Variants in IL17RD observed in about 807,000 individuals in gnomAD.
IL17RD encodes the protein interleukin 17 receptor D, also known as interleukin-17 receptor D.
IL17RD carries 52 observed loss-of-function variants against 80.5 expected under a neutral mutation model. The observed-to-expected ratio is 0.65, with a 90% CI of 0.52 to 0.81. IL17RD has a LOEUF of 0.81. IL17RD is among the 40% of genes least tolerant of loss of function. The probability of loss-of-function intolerance (pLI) is 0.00; values close to 1 mark genes in which losing one functional copy is unlikely to be tolerated. For missense variants in IL17RD, 1,024 were observed against 955.1 expected (o/e 1.07, Z -0.95); for synonymous variants, 416 against 391.8 (o/e 1.06, Z -0.73).
At chr3:57,123,575 T>C (rs568087904) in intron 1 of IL17RD, among the ~76,000 whole-genome samples, 90 of 152,324 alleles carry the variant, frequency 5.9e-4, no homozygotes, top group African/African-American at 2.0e-3. Flanking sequence ...GAGGGGAACA[T>C]GGTAATTCAT....
chr3:57,135,057 A>G (rs980456112), intron 1 of IL17RD, among the ~76,000 whole-genome samples: 1 of 152,158 alleles, frequency 6.6e-6, no homozygotes, highest in South Asian at 2.1e-4. Flanking sequence ...GCAGTGAGCC[A>G]TGATCACTCC....
chr3:57,112,271 A>G (rs1274746868), intron 3 of IL17RD, among the ~76,000 whole-genome samples: 1 of 152,202 alleles, frequency 6.6e-6, no homozygotes, highest in African/African-American at 2.4e-5. Context: ...TATTATCCCC[A>G]TTTTACAGAT....
chr3:57,124,369 G>A (rs927127406), intron 1 of IL17RD, among the ~76,000 whole-genome samples: 5 of 152,206 alleles, frequency 3.3e-5, no homozygotes, highest in African/African-American at 1.2e-4. Context: ...AGTATCCTGA[G>A]ATGGGGAGAG....
At position 57,094,025 on chromosome 3, in the gene IL17RD, C is replaced by T. The variant is rs1445437311; in HGVS notation, c.*2368G>A. The T allele has an allele frequency of 6.6e-6, 1 of 152,224 alleles. No individual in the cohort carries two copies. The highest frequency in any genetic ancestry group is 1.9e-4 in the East Asian group (1 of 5,192). 9.4% of individuals were successfully genotyped at this position (152,224 alleles called of 1,614,324 possible). On this transcript the variant is annotated 3_prime_UTR_variant, in exon 13 of 13. Transcript: ENST00000296318. ...GATCAAGGCCTCTCATGGAGATCAT[C>T]CTGTTTTCCATTTCTTGTTTCCATA...
chr3:57,127,797 G>A (rs1240990207), intron 1 of IL17RD, among the ~76,000 whole-genome samples: 6 of 152,222 alleles, frequency 3.9e-5, no homozygotes, highest in African/African-American at 9.6e-5. Context: ...CGTACAACGG[G>A]ACTAACATCT....
chr3:57,117,113 A>ATTTT (rs11422909), intron 2 of IL17RD, among the ~76,000 whole-genome samples: 1 of 136,136 alleles, frequency 7.3e-6, no homozygotes, highest in Non-Finnish European at 1.5e-5. Context: ...AAGTTTAAGA[A>ATTTT]TTTTTTTTTT....
At chr3:57,158,600 C>T (rs1376563409) in intron 1 of IL17RD, among the ~76,000 whole-genome samples, 2 of 152,114 alleles carry the variant, frequency 1.3e-5, no homozygotes, top group Non-Finnish European at 2.9e-5. Context: ...ATCCACCTTC[C>T]CCCAACATTT....
In IL17RD at chr3:57,095,878, A is replaced by T. The variant is rs374915177; in HGVS notation, c.*515T>A. The stretch of plus-strand genomic sequence containing the variant: ...CAAAGCTTATTTAACACCCATGGCA[A>T]TGTAAATTCTACATCAAAAATAAAT... On this transcript the variant is annotated 3_prime_UTR_variant, in exon 13 of 13. Coordinates refer to ENST00000296318, the MANE Select transcript of IL17RD (RefSeq NM_017563.5). The T allele has an allele frequency of 3.0e-4, 47 of 154,628 alleles. 1 individual carries two copies. The South Asian group carries it at 9.1e-3, about 30-fold the overall frequency. 9.6% of individuals were successfully genotyped at this position (154,628 alleles called of 1,614,324 possible). A position where few individuals can be genotyped will look rare whatever the true frequency, so the allele number is the denominator to read the frequency against.
chr3:57,130,114 AG>A (rs1252809597), intron 1 of IL17RD, among the ~76,000 whole-genome samples: 1 of 152,200 alleles, frequency 6.6e-6, no homozygotes. Flanking sequence ...TAAGAGGAAA[AG>A]TTTACTAGAA....
At chr3:57,096,558 G>T in intron 12 of IL17RD, 53 bp from the exon 13 acceptor site, 2 of 1,246,434 alleles carry the variant, frequency 1.6e-6, no homozygotes, top group Non-Finnish European at 2.4e-6. Context: ...TCACTGGGCT[G>T]GGCAGGTGCT....
intron 1 of IL17RD, among the ~76,000 whole-genome samples, chr3:57,151,905 A>G (rs1298243304): frequency 6.6e-6 from 1 of 152,092 alleles, no homozygotes; most frequent in East Asian, 1.9e-4. Flanking sequence ...AATTCCCCCA[A>G]TCAAAAACCA....
intron 1 of IL17RD, among the ~76,000 whole-genome samples, chr3:57,133,972 A>AC (rs1352555111): frequency 1.3e-5 from 2 of 152,240 alleles, no homozygotes; most frequent in Non-Finnish European, 2.9e-5. Flanking sequence ...TAAATTAGAA[A>AC]CCTGTAACAT....
At chr3:57,108,661 G>T (rs576532937) in intron 5 of IL17RD, among the ~76,000 whole-genome samples, 1 of 151,560 alleles carries the variant, frequency 6.6e-6, no homozygotes. Flanking sequence ...GACTACAGGC[G>T]CACACCATGA....
chr3:57,152,718 A>G (rs1238228527), intron 1 of IL17RD, among the ~76,000 whole-genome samples: 2 of 152,228 alleles, frequency 1.3e-5, no homozygotes, highest in East Asian at 3.8e-4. Context: ...AATTAGGTAG[A>G]AGATAATAAT....
chr3:57,169,836 C>G (rs1175788623), upstream of IL17RD, among the ~76,000 whole-genome samples: 1 of 82,974 alleles, frequency 1.2e-5, no homozygotes, highest in Admixed American at 1.2e-4. Context: ...GCCCTTAGTC[C>G]CTGAGACCCC....
At chr3:57,150,872 G>C (rs1269551653) in intron 1 of IL17RD, among the ~76,000 whole-genome samples, 1 of 152,156 alleles carries the variant, frequency 6.6e-6, no homozygotes, top group Non-Finnish European at 1.5e-5. Context: ...CAATTACGAA[G>C]GGGGCCAAAA....
chr3:57,161,275 G>A (rs1366938091), intron 1 of IL17RD, among the ~76,000 whole-genome samples: 1 of 152,240 alleles, frequency 6.6e-6, no homozygotes, highest in African/African-American at 2.4e-5. Context: ...GTGGGCTTAG[G>A]AGCCATGAGC....
intron 11 of IL17RD, among the ~76,000 whole-genome samples, chr3:57,098,952 G>A (rs1161878929): frequency 6.6e-6 from 1 of 152,192 alleles, no homozygotes; most frequent in Admixed American, 6.5e-5. Flanking sequence ...TAGATTGGAG[G>A]GGCAGATTCT....
intron 3 of IL17RD, among the ~76,000 whole-genome samples, chr3:57,111,496 T>C (rs1019993560): frequency 6.6e-6 from 1 of 152,158 alleles, no homozygotes; most frequent in African/African-American, 2.4e-5. Context: ...ACAAAGTCAT[T>C]AGACCAACAA....
Sources: allele counts gnomAD v4.1 joint callset (sites outside exome capture counted in the v4.1 genomes callset), GRCh38; gene constraint gnomAD v4.1.1; transcripts MANE v1.5; gene names NCBI Gene and HGNC (gene_info 2026-07-23, HGNC 2026-07-21).